Variants in PHF21B observed in about 807,000 individuals in gnomAD.
PHF21B encodes PHD finger protein 21B.
A neutral mutation model predicts 62.2 loss-of-function variants in PHF21B; 22 were observed. The observed-to-expected ratio is 0.35, with a 90% CI of 0.25 to 0.51. The LOEUF (loss-of-function observed/expected upper bound fraction) is 0.51. Among genes scored for constraint, PHF21B ranks in the 20% least tolerant of loss-of-function variants. The pLI, the probability that PHF21B is intolerant of heterozygous loss-of-function variation, is 0.97. For synonymous variants in PHF21B, 341 were observed against 314.7 expected (o/e 1.08, Z -0.88); for missense variants, 701 against 707.9 (o/e 0.99, Z 0.11).
chr22:44,981,420 C>G (rs2147476753), intron 2 of PHF21B, among the ~76,000 whole-genome samples: 1 of 152,352 alleles, frequency 6.6e-6, no homozygotes, highest in Admixed American at 6.5e-5. Flanking sequence ...GTCTGCAGAT[C>G]TGGCTATGGT....
At position 44,896,887 on chromosome 22, in the gene PHF21B, T is replaced by TTTTTTTTGTTTG. The variant is rs1555933194; in HGVS notation, c.832-805_832-804insCAAACAAAAAAA. 4.5e-4 allele frequency among the ~76,000 whole-genome samples: 65 copies of TTTTTTTTGTTTG among 143,398 alleles called. 3 individuals carry two copies. The highest frequency in any genetic ancestry group is 1.2e-3 in the Admixed American group (17 of 14,496). The allele number at this position is 143,398 out of a possible 152,430, so 94.1% of individuals were successfully genotyped here. ...TGGCACTTAGTTTTATCTGTTTTTT[T>TTTTTTTTGTTTG]TTTTTTTTTGAGACAGGTTCTCACT... On this transcript the variant is annotated intron_variant, in intron 5 of 12. Coordinates refer to ENST00000313237, the MANE Select transcript of PHF21B (RefSeq NM_138415.5).
intron 2 of PHF21B, among the ~76,000 whole-genome samples, chr22:44,972,934 C>T (rs968086027): frequency 3.9e-5 from 6 of 152,134 alleles, no homozygotes; most frequent in African/African-American, 4.8e-5. Flanking sequence ...GCAGGCAGGG[C>T]GCTCAGAGAT....
chr22:44,984,191 TCAC>T (rs1212209615), intron 2 of PHF21B, among the ~76,000 whole-genome samples: 36 of 1,846 alleles, frequency 0.02, no homozygotes, highest in Non-Finnish European at 0.035. Flanking sequence ...ACCACCATCA[TCAC>T]CACCACTACC....
intron 2 of PHF21B, among the ~76,000 whole-genome samples, chr22:44,940,317 G>T (rs530851942): frequency 1.3e-5 from 2 of 152,194 alleles, no homozygotes; most frequent in African/African-American, 4.8e-5. Flanking sequence ...CCTGCACCCA[G>T]CGCCAATGCC....
At chr22:44,991,543 G>C (rs1464746042) in intron 2 of PHF21B, among the ~76,000 whole-genome samples, 1 of 152,190 alleles carries the variant, frequency 6.6e-6, no homozygotes, top group African/African-American at 2.4e-5. Context: ...CTGAGAACAG[G>C]GACGGGCCTG....
At chr22:44,928,343 C>A (rs1290567232) in intron 2 of PHF21B, among the ~76,000 whole-genome samples, 2 of 152,186 alleles carry the variant, frequency 1.3e-5, no homozygotes, top group African/African-American at 4.8e-5. Context: ...CAGGACGAGC[C>A]CTGTCATTTG....
chr22:44,937,398 G>C (rs1034497632), intron 2 of PHF21B, among the ~76,000 whole-genome samples: 1 of 152,220 alleles, frequency 6.6e-6, no homozygotes, highest in African/African-American at 2.4e-5. Flanking sequence ...CTCAGCACAG[G>C]TGCAGGCCGC....
chr22:44,949,521 C>T (rs1331229740), intron 2 of PHF21B, among the ~76,000 whole-genome samples: 1 of 152,106 alleles, frequency 6.6e-6, no homozygotes, highest in Non-Finnish European at 1.5e-5. Context: ...TCATTCTTCC[C>T]TGAAGTGACA....
intron 2 of PHF21B, among the ~76,000 whole-genome samples, chr22:44,976,629 G>A (rs1747935817): frequency 6.6e-6 from 1 of 152,186 alleles, no homozygotes; most frequent in Non-Finnish European, 1.5e-5. Flanking sequence ...GAAGTGTCCT[G>A]TCCCTGGAGG....
At position 44,895,993 on chromosome 22, in the gene PHF21B, G is replaced by C. The variant is rs766299389; in HGVS notation, c.883+39C>G. On this transcript the variant is annotated intron_variant, in intron 6 of 12. Transcript: ENST00000313237. The stretch of plus-strand genomic sequence containing the variant: ...CCCCAACACCCCGGCTTTCGGGTCA[G>C]TCCCAGCCCAACCTGCTGCTACCTG... 3 of 1,613,206 alleles carry C rather than the reference G, an allele frequency of 1.9e-6. 1 individual carries two copies. The South Asian group carries it at 3.3e-5, about 18-fold the overall frequency.
intron 2 of PHF21B, among the ~76,000 whole-genome samples, chr22:44,971,696 C>T (rs2072641606): frequency 6.6e-6 from 1 of 152,240 alleles, no homozygotes; most frequent in African/African-American, 2.4e-5. Context: ...TCAAAACACA[C>T]TGTGCCTCCA....
chr22:44,957,260 G>T (rs1001202541), intron 2 of PHF21B, among the ~76,000 whole-genome samples: 1 of 152,240 alleles, frequency 6.6e-6, no homozygotes, highest in Non-Finnish European at 1.5e-5. Flanking sequence ...GTCAGGCACC[G>T]GACGGTGCAC....
intron 2 of PHF21B, among the ~76,000 whole-genome samples, chr22:44,954,806 G>A (rs774733465): frequency 8.1e-4 from 124 of 152,252 alleles, no homozygotes; most frequent in Non-Finnish European, 8.8e-4. Flanking sequence ...TAACCGAGGA[G>A]TGGTCTGGCC....
At position 44,973,930 on chromosome 22, in the gene PHF21B, A is replaced by G. The variant is rs529519926; in HGVS notation, c.120+34615T>C. On this transcript the variant is annotated intron_variant, in intron 2 of 12. Coordinates refer to ENST00000313237, the MANE Select transcript of PHF21B (RefSeq NM_138415.5). ...GAATAAGCCAGAAGAGGAGGCAGGTAAGGACAATGTAGGCAGAATTAGCAG... is the reference window on the plus strand; with the variant it reads ...GAATAAGCCAGAAGAGGAGGCAGGTGAGGACAATGTAGGCAGAATTAGCAG... Among the ~76,000 whole-genome samples the G allele has an allele frequency of 3.9e-5, 6 of 152,316 alleles. No individual in the cohort carries two copies. In the East Asian group the frequency reaches 1.2e-3, roughly 29 times the overall value.
intron 2 of PHF21B, among the ~76,000 whole-genome samples, chr22:44,930,294 C>A (rs924193804): frequency 6.6e-6 from 1 of 152,222 alleles, no homozygotes; most frequent in African/African-American, 2.4e-5. Flanking sequence ...TGCCTATTGC[C>A]TCTACCGTGT....
At chr22:44,903,518 AG>A (rs2071197404) in intron 5 of PHF21B, among the ~76,000 whole-genome samples, 1 of 152,042 alleles carries the variant, frequency 6.6e-6, no homozygotes, top group Non-Finnish European at 1.5e-5. Flanking sequence ...ATGCAGGGGG[AG>A]TCTCAGTTCT....
intron 2 of PHF21B, among the ~76,000 whole-genome samples, chr22:44,921,808 G>A (rs553429823): frequency 1.4e-4 from 21 of 152,186 alleles, no homozygotes; most frequent in Non-Finnish European, 2.2e-4. Flanking sequence ...ACAGGCGCCC[G>A]CCACCACGCC....
At chr22:44,975,678 A>C (rs1396467777) in intron 2 of PHF21B, among the ~76,000 whole-genome samples, 1 of 152,186 alleles carries the variant, frequency 6.6e-6, no homozygotes, top group Non-Finnish European at 1.5e-5. Context: ...GCTGCGGCCA[A>C]ATCAGCGAGG....
chr22:45,009,126 G>T lies in PHF21B; in HGVS notation c.54+370C>A. On this transcript the variant is annotated intron_variant, in intron 1 of 12. Transcript: ENST00000313237. This position sits in a 1 kb window ranked among gnomAD's most constrained non-coding sequence, Gnocchi z 5.9. ...TCTGCACACCGGGCAGGTTCGCCCG[G>T]GGCGCGGGGGCCCGAGGGGAGGCCG... The T allele has an allele frequency of 1.3e-6, 1 of 796,988 alleles. No homozygotes were observed. The highest frequency in any genetic ancestry group is 1.6e-6 in the Non-Finnish European group (1 of 608,104). 49.4% of individuals were successfully genotyped at this position (796,988 alleles called of 1,614,324 possible). A position where few individuals can be genotyped will look rare whatever the true frequency, so the allele number is the denominator to read the frequency against.
Sources: allele counts gnomAD v4.1 joint callset (sites outside exome capture counted in the v4.1 genomes callset), GRCh38; gene constraint gnomAD v4.1.1; non-coding constraint Gnocchi (gnomAD v3.1); transcripts MANE v1.5; gene names NCBI Gene and HGNC (gene_info 2026-07-23, HGNC 2026-07-21).